The following HS3ST5 variants were observed in gnomAD, a reference collection of about 807,000 sequenced individuals.
HS3ST5 encodes the protein heparan sulfate glucosamine 3-O-sulfotransferase 5.
A neutral mutation model predicts 25.4 loss-of-function variants in HS3ST5; 10 were observed. That is an observed-to-expected ratio of 0.39 (90% CI 0.24 to 0.67). The LOEUF is 0.67. HS3ST5 is among the 30% of genes least tolerant of loss of function. The pLI is 0.44. For synonymous variants in HS3ST5, 170 were observed against 162.4 expected (o/e 1.05, Z -0.36); for missense variants, 324 against 420.7 (o/e 0.77, Z 2.01).
chr6:114,282,796 C>G (rs915064102), intron 1 of HS3ST5, among the ~76,000 whole-genome samples: 1 of 151,950 alleles, frequency 6.6e-6, no homozygotes, highest in African/African-American at 2.4e-5. Context: ...CATAGCTAGA[C>G]AACAATAAAT....
chr6:114,194,568 C>A (rs536485002), intron 2 of HS3ST5, among the ~76,000 whole-genome samples: 1 of 152,296 alleles, frequency 6.6e-6, no homozygotes, highest in Admixed American at 6.5e-5. Context: ...AACAGCCAAC[C>A]AGCATTTCTT....
intron 2 of HS3ST5, among the ~76,000 whole-genome samples, chr6:114,203,514 A>G (rs1004254591): frequency 2.6e-4 from 39 of 152,176 alleles, no homozygotes; most frequent in African/African-American, 8.9e-4. Flanking sequence ...GCTCCTATAG[A>G]TAACATCATT....
chr6:114,248,223 T>A (rs182912211), intron 1 of HS3ST5, among the ~76,000 whole-genome samples: 7,690 of 142,036 alleles, frequency 0.054, 282 homozygotes, highest in Middle Eastern at 0.15. Flanking sequence ...AAAAAATATA[T>A]ATATATATAT....
chr6:114,162,945 A>G (rs1374046910), intron 3 of HS3ST5, among the ~76,000 whole-genome samples: 1 of 152,038 alleles, frequency 6.6e-6, no homozygotes, highest in Non-Finnish European at 1.5e-5. Context: ...TCCTTAATTA[A>G]TTTGTAAAGT....
At chr6:114,294,419 T>C (rs1312517453) in intron 1 of HS3ST5, among the ~76,000 whole-genome samples, 2 of 151,224 alleles carry the variant, frequency 1.3e-5, no homozygotes, top group African/African-American at 4.9e-5. Context: ...AAAATTAATA[T>C]GGCTAAGGTC....
In HS3ST5 at chr6:114,200,055, T is replaced by C. The variant is rs557699170; in HGVS notation, c.-145+28530A>G. Among the ~76,000 whole-genome samples, 3 of 152,196 alleles carry C rather than the reference T, an allele frequency of 2.0e-5. No homozygotes were observed. In the East Asian group the frequency reaches 5.8e-4, roughly 30 times the overall value. ...GACCAACATAGTGAAACCCCATCTC[T>C]ACTAAAACAAAATTAGCTGGGCGTG... is the stretch of plus-strand genomic sequence containing the variant. On this transcript the variant is annotated intron_variant, in intron 2 of 4. Coordinates refer to ENST00000312719, the MANE Select transcript of HS3ST5 (RefSeq NM_153612.4).
At chr6:114,096,200 G>C (rs1022606422) in intron 3 of HS3ST5, among the ~76,000 whole-genome samples, 1 of 152,070 alleles carries the variant, frequency 6.6e-6, no homozygotes, top group Non-Finnish European at 1.5e-5. Context: ...TAGTCCAAGG[G>C]AACATCACCC....
intron 2 of HS3ST5, among the ~76,000 whole-genome samples, chr6:114,174,179 C>G (rs1026989847): frequency 1.3e-5 from 2 of 152,050 alleles, no homozygotes; most frequent in Non-Finnish European, 2.9e-5. Flanking sequence ...GCCTAGATCA[C>G]TATCCTAATC....
intron 3 of HS3ST5, among the ~76,000 whole-genome samples, chr6:114,146,690 T>C (rs1477246758): frequency 6.6e-6 from 1 of 152,180 alleles, no homozygotes; most frequent in Non-Finnish European, 1.5e-5. Context: ...GTTTGCATCA[T>C]GGGGGTGGAT....
chr6:114,066,949 C>T (rs951856838), intron 3 of HS3ST5, among the ~76,000 whole-genome samples: 2 of 152,202 alleles, frequency 1.3e-5, no homozygotes, highest in African/African-American at 4.8e-5. Context: ...AGTCTATGCC[C>T]TTCCTTCTGA....
At chr6:114,153,446 C>A (rs1407743858) in intron 3 of HS3ST5, among the ~76,000 whole-genome samples, 1 of 152,190 alleles carries the variant, frequency 6.6e-6, no homozygotes, top group Non-Finnish European at 1.5e-5. Flanking sequence ...CTTTTTCCCA[C>A]CTACCTGCTG....
intron 2 of HS3ST5, among the ~76,000 whole-genome samples, chr6:114,228,114 G>T (rs2114521113): frequency 6.6e-6 from 1 of 152,268 alleles, no homozygotes; most frequent in Non-Finnish European, 1.5e-5. Context: ...GTCACTTTCA[G>T]TGTTTCTCAA....
At chr6:114,263,152 T>C (rs1773251808) in intron 1 of HS3ST5, among the ~76,000 whole-genome samples, 1 of 152,130 alleles carries the variant, frequency 6.6e-6, no homozygotes, top group African/African-American at 2.4e-5. Flanking sequence ...ATTCAAACAA[T>C]AAAATTTTGT....
intron 1 of HS3ST5, among the ~76,000 whole-genome samples, chr6:114,309,770 T>G (rs1158407270): frequency 6.6e-6 from 1 of 152,164 alleles, no homozygotes; most frequent in Admixed American, 6.6e-5. Context: ...TTAAATATCC[T>G]TTTGTGTTAA....
At chr6:114,269,461 G>A (rs1773545650) in intron 1 of HS3ST5, among the ~76,000 whole-genome samples, 5 of 152,120 alleles carry the variant, frequency 3.3e-5, no homozygotes. Flanking sequence ...AATTTTCTGG[G>A]AAGGGACAAT....
intron 1 of HS3ST5, among the ~76,000 whole-genome samples, chr6:114,328,040 G>A (rs1776240926): frequency 6.6e-6 from 1 of 152,036 alleles, no homozygotes; most frequent in Non-Finnish European, 1.5e-5. Context: ...AATAGAGGTA[G>A]GAGCAGATAA....
chr6:114,260,150 A>G (rs2114663836), intron 1 of HS3ST5, among the ~76,000 whole-genome samples: 1 of 151,896 alleles, frequency 6.6e-6, no homozygotes, highest in South Asian at 2.1e-4. Context: ...CAATATCATA[A>G]TGTTTCTCTT....
intron 3 of HS3ST5, among the ~76,000 whole-genome samples, chr6:114,130,658 C>T (rs545297513): frequency 6.6e-6 from 1 of 152,300 alleles, no homozygotes; most frequent in South Asian, 2.1e-4. Flanking sequence ...CAAGCTCCGC[C>T]TCCTGGGTTC....
chr6:114,263,729 T>C (rs947211916), intron 1 of HS3ST5, among the ~76,000 whole-genome samples: 2 of 152,144 alleles, frequency 1.3e-5, no homozygotes, highest in Non-Finnish European at 2.9e-5. Context: ...TGGGAAAAGC[T>C]AAGGAGTGGG....
Sources: gnomAD v4.1 joint callset for allele counts (sites outside exome capture counted in the v4.1 genomes callset) on GRCh38, gnomAD v4.1.1 for gene constraint, MANE v1.5 for transcripts, NCBI Gene and HGNC (gene_info 2026-07-23, HGNC 2026-07-21) for gene names.